NBPF3: variants seen among roughly 807,000 people sequenced by gnomAD.
The protein encoded by NBPF3 is NBPF member 3, also known as NBPF family member NBPF3.
In NBPF3, 57 loss-of-function variants were observed where a neutral mutation model predicts 78.1. That is an observed-to-expected ratio of 0.73 (90% CI 0.59 to 0.91). The LOEUF (loss-of-function observed/expected upper bound fraction) is 0.91, where lower values mean the gene tolerates loss of function less well. NBPF3 is among the 40% of genes least tolerant of loss of function. The pLI is 0.00. For synonymous variants in NBPF3, 182 were observed against 271.7 expected (o/e 0.67, Z 3.25); for missense variants, 510 against 715.3 (o/e 0.71, Z 3.27).
At chr1:21,436,960 TGAGAGTGTCA>T (rs1193460813), upstream of NBPF3, 1 of 369,922 alleles carries the variant, frequency 2.7e-6, no homozygotes, top group African/African-American at 2.1e-5. This position sits in a 1 kb window ranked among gnomAD's most constrained non-coding sequence, Gnocchi z 4.3. Context: ...AAATAGTGTC[TGAGAGTGTCA>T]GGATCCCCAA....
intron 2 of NBPF3, among the ~76,000 whole-genome samples, chr1:21,465,698 C>G (rs1336620560): frequency 1.3e-5 from 2 of 152,194 alleles, no homozygotes; most frequent in East Asian, 3.8e-4. Flanking sequence ...TTCAAGCATG[C>G]TTTGAGTAGA....
chr1:21,465,611 GA>G lies in NBPF3; in HGVS notation c.134-3076del, dbSNP rs746598207. ...CTCCATTTAAACTTTGAGTATAGCA[GA>G]GACACGAGCCCTTCGGGACACATGC... On this transcript the variant is annotated intron_variant, in intron 2 of 14. Coordinates refer to ENST00000318249, the MANE Select transcript of NBPF3 (RefSeq NM_032264.6). Among the ~76,000 whole-genome samples the G allele has an allele frequency of 9.8e-5, 15 of 152,328 alleles. No individual in the cohort carries two copies. The East Asian group carries it at 2.9e-3, about 29-fold the overall frequency.
chr1:21,455,966 A>G (rs1377606534), intron 2 of NBPF3, among the ~76,000 whole-genome samples: 1 of 152,188 alleles, frequency 6.6e-6, no homozygotes, highest in Non-Finnish European at 1.5e-5. Context: ...CAACTGAGAC[A>G]CTAGAATGGA....
chr1:21,439,451 T>C (rs1447945414), upstream of NBPF3, among the ~76,000 whole-genome samples: 1 of 151,664 alleles, frequency 6.6e-6, no homozygotes, highest in Non-Finnish European at 1.5e-5. Context: ...ATCATGCCAT[T>C]GCACTCCATC....
chr1:21,437,517 A>G, upstream of NBPF3: 3 of 1,435,832 alleles, frequency 2.1e-6, no homozygotes, highest in Non-Finnish European at 1.9e-6. Flanking sequence ...CGGAGAGCCA[A>G]GAAGCTCCTG....
chr1:21,437,569 T>G, upstream of NBPF3: 2 of 1,020,236 alleles, frequency 2.0e-6, no homozygotes, highest in Non-Finnish European at 2.7e-6. Context: ...TACTGAAGAA[T>G]AAGTCAGCGT....
chr1:21,479,427 A>G (rs758537198), intron 10 of NBPF3, 27 bp downstream of exon 10: 1 of 1,602,596 alleles, frequency 6.2e-7, no homozygotes, highest in Non-Finnish European at 8.5e-7. Flanking sequence ...ATGGACAGTT[A>G]ATTTGATGTT....
chr1:21,454,158 A>G (rs2010202), intron 2 of NBPF3: 80,216 of 152,054 alleles, frequency 0.53, 22,226 homozygotes, highest in Admixed American at 0.66. Context: ...GCCTCCTATC[A>G]AGTCCTCCCA....
At chr1:21,451,443 G>A (rs1339410914) in intron 2 of NBPF3, among the ~76,000 whole-genome samples, 1 of 152,188 alleles carries the variant, frequency 6.6e-6, no homozygotes, top group Non-Finnish European at 1.5e-5. Flanking sequence ...ATGCATTAAT[G>A]TACGAAGATG....
intron 1 of NBPF3, among the ~76,000 whole-genome samples, chr1:21,443,971 G>A (rs972735385): frequency 2.0e-5 from 3 of 151,846 alleles, no homozygotes; most frequent in Non-Finnish European, 4.4e-5. Context: ...AATCTCTTAC[G>A]GCTGTTATTT....
chr1:21,468,822 C>G lies in NBPF3; in HGVS notation c.268C>G (p.Gln90Glu). ...CCCCCAGCTGGCAGAGAACAAACAG[C>G]AGTTCAGAAACCTCAAACAGAAATG... ...SRPQLAENKQQFRNLKQKCLV... is the reference protein window; with the variant it reads ...SRPQLAENKQEFRNLKQKCLV... Residue 90 changes from glutamine (Q) to glutamate (E), a missense_variant, in exon 3 of 15, where the codon CAG becomes GAG. By Grantham distance (29) the Gln-to-Glu change is conservative. Around this residue, in one of 5 missense-constraint regions of NBPF3, gnomAD observed 440 missense variants for 478.2 expected, o/e 0.92. Transcript: ENST00000318249. 6.2e-7 allele frequency: 1 copy of G among 1,614,158 alleles called. No homozygotes were observed. Among genetic ancestry groups the G allele is most frequent in the Non-Finnish European group, 8.5e-7 (1 of 1,180,022 alleles).
chr1:21,459,895 G>A, intron 2 of NBPF3: 1 of 216,824 alleles, frequency 4.6e-6, no homozygotes. Context: ...CGCAGTGTCA[G>A]CCTATTCACG....
chr1:21,438,931 C>T (rs753930636), upstream of NBPF3, among the ~76,000 whole-genome samples: 1 of 152,196 alleles, frequency 6.6e-6, no homozygotes, highest in Non-Finnish European at 1.5e-5. Flanking sequence ...AACACAGGCC[C>T]TTCAGAAGGG....
intron 2 of NBPF3, chr1:21,468,374 A>G (rs41265987): frequency 0.041 from 51,906 of 1,268,020 alleles, 1,179 homozygotes; most frequent in Non-Finnish European, 0.046. Context: ...AGCCTGGGCA[A>G]TTGGAATGCA....
intron 1 of NBPF3, among the ~76,000 whole-genome samples, chr1:21,443,503 C>G (rs577691385): frequency 6.6e-6 from 1 of 152,060 alleles, no homozygotes; most frequent in Non-Finnish European, 1.5e-5. Context: ...ACTTAATTAG[C>G]GAGAAAACTT....
At chr1:21,441,647 C>A (rs1393377481) in intron 1 of NBPF3, among the ~76,000 whole-genome samples, 3 of 147,512 alleles carry the variant, frequency 2.0e-5, no homozygotes, top group Admixed American at 1.4e-4. Flanking sequence ...GTTGAGATTG[C>A]AGTGAGCCGT....
intron 2 of NBPF3, among the ~76,000 whole-genome samples, chr1:21,462,373 T>C (rs1641999142): frequency 6.6e-6 from 1 of 152,196 alleles, no homozygotes; most frequent in Non-Finnish European, 1.5e-5. Flanking sequence ...TTTACAATTA[T>C]AATTATATTA....
intron 8 of NBPF3, among the ~76,000 whole-genome samples, chr1:21,477,228 C>T (rs1642931749): frequency 6.6e-6 from 1 of 152,146 alleles, no homozygotes; most frequent in Admixed American, 6.5e-5. Flanking sequence ...TGCACATCCT[C>T]CTTTAGCTCG....
At chr1:21,456,984 G>C (rs1641637649) in intron 2 of NBPF3, among the ~76,000 whole-genome samples, 1 of 152,186 alleles carries the variant, frequency 6.6e-6, no homozygotes, top group Admixed American at 6.5e-5. Flanking sequence ...GCAAAAATCT[G>C]CCAAAGCTAA....
Sources: gnomAD v4.1 joint callset for allele counts (sites outside exome capture counted in the v4.1 genomes callset) on GRCh38, gnomAD v4.1.1 for gene constraint, gnomAD v4.1.1 regional missense constraint, Gnocchi (gnomAD v3.1) non-coding constraint, MANE v1.5 for transcripts, NCBI Gene and HGNC (gene_info 2026-07-23, HGNC 2026-07-21) for gene names.